The following SUSD4 variants were observed in gnomAD, a reference collection of about 807,000 sequenced individuals.
SUSD4 encodes sushi domain containing 4, also known as sushi domain-containing protein 4.
A neutral mutation model predicts 50.5 loss-of-function variants in SUSD4; 41 were observed. The observed-to-expected ratio is 0.81, with a 90% CI of 0.63 to 1.05. SUSD4 has a LOEUF of 1.05. SUSD4 is among the 50% of genes least tolerant of loss of function. The pLI is 0.00. For synonymous variants in SUSD4, 257 were observed against 257.3 expected (o/e 1.00, Z 0.01); for missense variants, 580 against 634.7 (o/e 0.91, Z 0.93).
At chr1:223,362,995 C>A (rs1669083169) in intron 2 of SUSD4, among the ~76,000 whole-genome samples, 1 of 134,124 alleles carries the variant, frequency 7.5e-6, no homozygotes, top group Non-Finnish European at 1.6e-5. Context: ...ATGGGCCAGG[C>A]TTTATTGTCT....
Position 223,222,328 on chromosome 1 carries a change from G to A in SUSD4, c.1445-108C>T, listed in dbSNP as rs138267763. 9.2e-5 allele frequency: 109 copies of A among 1,190,830 alleles called. 1 individual carries two copies. The East Asian group carries it at 2.6e-3, about 29-fold the overall frequency. 73.8% of individuals were successfully genotyped at this position (1,190,830 alleles called of 1,614,324 possible). A position where few individuals can be genotyped will look rare whatever the true frequency, so the allele number is the denominator to read the frequency against. ...CTACAGTTTCTCAAATCAGTGAGGA[G>A]AAGAAAATGTTAAGTTCCACATACC... On this transcript the variant is annotated intron_variant, in intron 8 of 8. Coordinates refer to ENST00000366878, the MANE Select transcript of SUSD4 (RefSeq NM_017982.4).
At chr1:223,269,840 G>A (rs1230212606) in intron 3 of SUSD4, among the ~76,000 whole-genome samples, 10 of 152,168 alleles carry the variant, frequency 6.6e-5, no homozygotes, top group Admixed American at 5.9e-4. Context: ...GGCCAGAATA[G>A]TACTAACAGG....
chr1:223,359,941 G>A (rs1668880520), intron 2 of SUSD4, among the ~76,000 whole-genome samples: 1 of 152,092 alleles, frequency 6.6e-6, no homozygotes, highest in Non-Finnish European at 1.5e-5. Context: ...GGACGGGGTA[G>A]GCACTCAATG....
At chr1:223,258,546 G>A (rs1480432532) in intron 5 of SUSD4, among the ~76,000 whole-genome samples, 3 of 152,012 alleles carry the variant, frequency 2.0e-5, no homozygotes, top group Non-Finnish European at 4.4e-5. Flanking sequence ...GGGGCATTCT[G>A]GGTTTGGGGA....
In SUSD4 at chr1:223,223,303, C is replaced by A. The variant is rs61737415; in HGVS notation, c.1390G>T (p.Ala464Ser). 3,234 of 1,590,952 alleles carry A rather than the reference C, an allele frequency of 2.0e-3. 38 individuals are homozygous for A. The African/African-American group carries it at 0.032, about 16-fold the overall frequency. The change falls in exon 8 of 9, where the codon GCC (alanine) becomes TCC (serine). Residue 464 changes from alanine (A) to serine (S), a missense_variant. Coordinates refer to ENST00000366878, the MANE Select transcript of SUSD4 (RefSeq NM_017982.4). ...HPASDNPDII[A>S]STAEEVASTS... ...GATGCCACCTCCTCTGCCGTGCTGG[C>A]AATTATGTCAGGGTTGTCCGAAGCA...
At chr1:223,342,405 A>G (rs1667808487) in intron 2 of SUSD4, among the ~76,000 whole-genome samples, 1 of 152,246 alleles carries the variant, frequency 6.6e-6, no homozygotes, top group Non-Finnish European at 1.5e-5. Flanking sequence ...TACAAAATTA[A>G]CAAAATGATT....
intron 5 of SUSD4, chr1:223,263,572 C>CA (rs1662271663): frequency 1.0e-6 from 1 of 985,294 alleles, no homozygotes. Context: ...AGGAGTATGA[C>CA]AAAACCAATG....
chr1:223,360,587 G>T (rs1272552398), intron 2 of SUSD4, among the ~76,000 whole-genome samples: 1 of 152,152 alleles, frequency 6.6e-6, no homozygotes, highest in African/African-American at 2.4e-5. Context: ...TTTCATTTTT[G>T]ATGGAGTTCC....
Position 223,229,074 on chromosome 1 carries a change from A to C in SUSD4, c.916+123T>G. 1 of 1,028,206 alleles carries C rather than the reference A, an allele frequency of 9.7e-7. No individual in the cohort carries two copies. The highest frequency in any genetic ancestry group is 1.9e-5 in the South Asian group (1 of 53,412). 63.7% of individuals were successfully genotyped at this position (1,028,206 alleles called of 1,614,324 possible). ...CATCGACCCGCAATGATATGTTTCG[A>C]TATCCTGTTCCTGACACTGGGTGGG... is the stretch of plus-strand genomic sequence containing the variant. On this transcript the variant is annotated intron_variant, in intron 6 of 8. Coordinates refer to ENST00000366878, the MANE Select transcript of SUSD4 (RefSeq NM_017982.4). This position sits in a 1 kb window ranked among gnomAD's most constrained non-coding sequence, Gnocchi z 4.7.
At position 223,309,777 on chromosome 1, in the gene SUSD4, T is replaced by C. The variant is rs1406279140; in HGVS notation, c.149-17126A>G. Among the ~76,000 whole-genome samples, 3 of 152,204 alleles carry C rather than the reference T, an allele frequency of 2.0e-5. No individual in the cohort carries two copies. The East Asian group carries it at 5.8e-4, about 29-fold the overall frequency. ...GACAAGATGCATTCCACCAGAAGACTAGTCTTTTTTAATAACATCCTGACA... is the reference window on the plus strand; with the variant it reads ...GACAAGATGCATTCCACCAGAAGACCAGTCTTTTTTAATAACATCCTGACA... On this transcript the variant is annotated intron_variant, in intron 2 of 8. Coordinates refer to ENST00000366878, the MANE Select transcript of SUSD4 (RefSeq NM_017982.4).
chr1:223,306,803 A>AATATG (rs1665559516), intron 2 of SUSD4, among the ~76,000 whole-genome samples: 1 of 151,178 alleles, frequency 6.6e-6, no homozygotes, highest in Non-Finnish European at 1.5e-5. Context: ...TTAACTGATT[A>AATATG]ATATGGTCAA....
intron 2 of SUSD4, among the ~76,000 whole-genome samples, chr1:223,329,940 G>A (rs1667087352): frequency 6.6e-6 from 1 of 152,154 alleles, no homozygotes; most frequent in Non-Finnish European, 1.5e-5. Flanking sequence ...ATGAATGGAT[G>A]GATAAATGGA....
intron 5 of SUSD4, among the ~76,000 whole-genome samples, chr1:223,262,669 T>C (rs568199637): frequency 1.3e-5 from 2 of 152,356 alleles, no homozygotes; most frequent in South Asian, 2.1e-4. Flanking sequence ...TAGTCCCCTC[T>C]GTGCCTCTCA....
Position 223,223,238 on chromosome 1 carries a change from CAAGCACTTA to C in SUSD4, c.1444+2_1444+10del. ...TGCAGGTGTGGCTTGGGCCCTGGGG[CAAGCACTTA>C]CCATCTGCAATGTCGATGCCTGGGC... On this transcript the variant is annotated splice_donor_variant and splice_donor_5th_base_variant and intron_variant, in intron 8 of 8. Coordinates refer to ENST00000366878, the MANE Select transcript of SUSD4 (RefSeq NM_017982.4). LOFTEE classifies it high-confidence loss of function. The C allele has an allele frequency of 6.6e-7, 1 of 1,522,004 alleles. No homozygotes were observed. Among genetic ancestry groups the C allele is most frequent in the Non-Finnish European group, 8.8e-7 (1 of 1,142,260 alleles). 94.3% of individuals were successfully genotyped at this position (1,522,004 alleles called of 1,614,324 possible).
intron 2 of SUSD4, among the ~76,000 whole-genome samples, chr1:223,327,971 G>C (rs1408052900): frequency 1.3e-5 from 2 of 152,134 alleles, no homozygotes; most frequent in Non-Finnish European, 2.9e-5. Flanking sequence ...GTAGGGAGAA[G>C]AGAGATCCCA....
chr1:223,321,820 C>A (rs576791277), intron 2 of SUSD4, among the ~76,000 whole-genome samples: 1 of 152,316 alleles, frequency 6.6e-6, no homozygotes, highest in African/African-American at 2.4e-5. Context: ...TTAAACAGAT[C>A]TGTGATATGG....
rs560921285 is a variant in SUSD4, at chr1:223,252,122, G to A, written c.724+12508C>T. The stretch of plus-strand genomic sequence containing the variant: ...ATTAGGAGATATACCTAATGTAAAC[G>A]ACGAGTTAATGGGTGCAGCACACCA... On this transcript the variant is annotated intron_variant, in intron 5 of 8. Coordinates refer to ENST00000366878, the MANE Select transcript of SUSD4 (RefSeq NM_017982.4). 6.2e-3 allele frequency among the ~76,000 whole-genome samples: 916 copies of A among 148,512 alleles called. 13 individuals carry two copies. Among genetic ancestry groups the A allele is most frequent in the African/African-American group, 0.022 (871 of 40,212 alleles).
chr1:223,362,328 T>C (rs1474118686), intron 2 of SUSD4, among the ~76,000 whole-genome samples: 4 of 152,220 alleles, frequency 2.6e-5, no homozygotes, highest in African/African-American at 9.6e-5. Context: ...TTTACATCAG[T>C]CAATACTTGC....
intron 2 of SUSD4, among the ~76,000 whole-genome samples, chr1:223,317,699 C>T (rs567252302): frequency 2.6e-5 from 4 of 152,108 alleles, no homozygotes; most frequent in East Asian, 3.9e-4. Flanking sequence ...CTTTTACTCC[C>T]AAAAGGAAAT....
Sources: allele counts gnomAD v4.1 joint callset (sites outside exome capture counted in the v4.1 genomes callset), GRCh38; gene constraint gnomAD v4.1.1; non-coding constraint Gnocchi (gnomAD v3.1); transcripts MANE v1.5; gene names NCBI Gene and HGNC (gene_info 2026-07-23, HGNC 2026-07-21).